GPC5: variants seen among roughly 807,000 people sequenced by gnomAD.
The protein encoded by GPC5 is glypican-5.
In GPC5, 47 loss-of-function variants were observed where a neutral mutation model predicts 53.9. The observed-to-expected ratio is 0.87, with a 90% CI of 0.69 to 1.11. The LOEUF (loss-of-function observed/expected upper bound fraction) is 1.11, where lower values mean the gene tolerates loss of function less well. Among genes scored for constraint, GPC5 ranks in the 50% most tolerant of loss-of-function variants. The probability of loss-of-function intolerance (pLI) is 0.00; values close to 1 mark genes in which losing one functional copy is unlikely to be tolerated. For synonymous variants in GPC5, 286 were observed against 263.3 expected, an observed-to-expected ratio of 1.09 and a Z score of -0.84; for missense variants, 748 against 713.1, an observed-to-expected ratio of 1.05 and a Z score of -0.56.
At chr13:92,351,660 A>G (rs1173256882) in intron 7 of GPC5, among the ~76,000 whole-genome samples, 2 of 152,162 alleles carry the variant, frequency 1.3e-5, no homozygotes. Context: ...GTAGATAAAA[A>G]TTGATGCATA....
At chr13:92,282,100 G>A (rs2139170164) in intron 7 of GPC5, among the ~76,000 whole-genome samples, 1 of 152,310 alleles carries the variant, frequency 6.6e-6, no homozygotes, top group South Asian at 2.1e-4. Flanking sequence ...TGTGACGAAT[G>A]CACAAGCTTC....
At chr13:92,677,634 G>A (rs1173426189) in intron 7 of GPC5, among the ~76,000 whole-genome samples, 1 of 152,206 alleles carries the variant, frequency 6.6e-6, no homozygotes, top group Non-Finnish European at 1.5e-5. Context: ...GAGAAGGATA[G>A]AGAGGCATCC....
chr13:91,906,322 A>C (rs2039552531), intron 5 of GPC5, among the ~76,000 whole-genome samples: 1 of 151,536 alleles, frequency 6.6e-6, no homozygotes. Flanking sequence ...TCAAGTTACA[A>C]TTTCTCCCTC....
At chr13:91,884,319 A>G (rs941032883) in intron 5 of GPC5, among the ~76,000 whole-genome samples, 1 of 152,222 alleles carries the variant, frequency 6.6e-6, no homozygotes, top group Non-Finnish European at 1.5e-5. Flanking sequence ...TTGCAGCACT[A>G]TTCACAGTAG....
At position 92,859,092 on chromosome 13, in the gene GPC5, A is replaced by T. The variant is rs74743320; in HGVS notation, c.1562-7190A>T. Among the ~76,000 whole-genome samples the T allele has an allele frequency of 4.8e-3, 726 of 151,956 alleles. 4 individuals are homozygous for T. Among genetic ancestry groups the T allele is most frequent in the African/African-American group, 0.015 (627 of 41,480 alleles). On this transcript the variant is annotated intron_variant, in intron 7 of 7. Coordinates refer to ENST00000377067, the MANE Select transcript of GPC5 (RefSeq NM_004466.6). ...CCCATCTCTACAAAAAACTTTTTTT[A>T]AAAAAAATTATCAAGGTATGGTGGC...
At chr13:91,733,481 G>A (rs1449342788) in intron 4 of GPC5, among the ~76,000 whole-genome samples, 1 of 152,166 alleles carries the variant, frequency 6.6e-6, no homozygotes, top group Non-Finnish European at 1.5e-5. Context: ...TTTTCCATTT[G>A]TTTTTGTCCT....
At chr13:91,543,153 G>A (rs761537265) in intron 2 of GPC5, among the ~76,000 whole-genome samples, 51 of 151,742 alleles carry the variant, frequency 3.4e-4, no homozygotes, top group Non-Finnish European at 6.6e-4. Context: ...ACCGAGCCTG[G>A]CCACTAATTT....
chr13:92,712,820 C>G (rs1486588489), intron 7 of GPC5, among the ~76,000 whole-genome samples: 1 of 152,112 alleles, frequency 6.6e-6, no homozygotes, highest in Non-Finnish European at 1.5e-5. Context: ...GGCGTCAATC[C>G]AATATGACTG....
At chr13:92,598,403 T>C (rs1036333277) in intron 7 of GPC5, among the ~76,000 whole-genome samples, 1 of 152,210 alleles carries the variant, frequency 6.6e-6, no homozygotes, top group East Asian at 1.9e-4. Context: ...TTTTTTTACG[T>C]TGTATCTGAC....
intron 7 of GPC5, among the ~76,000 whole-genome samples, chr13:92,512,349 G>A (rs988856668): frequency 3.9e-5 from 6 of 152,126 alleles, no homozygotes; most frequent in African/African-American, 1.4e-4. Context: ...CAAGTGGGGA[G>A]AAGCTACAGA....
intron 7 of GPC5, among the ~76,000 whole-genome samples, chr13:92,712,627 A>G (rs1174879744): frequency 6.6e-6 from 1 of 152,222 alleles, no homozygotes; most frequent in African/African-American, 2.4e-5. Flanking sequence ...TGTTAAGAGG[A>G]TAAAAAGGCA....
In GPC5 at chr13:92,517,920, A is replaced by G. The variant is rs1278825618; in HGVS notation, c.1562-348362A>G. Among the ~76,000 whole-genome samples the G allele has an allele frequency of 2.0e-5, 3 of 152,208 alleles. No individual in the cohort carries two copies. The East Asian group carries it at 5.8e-4, about 29-fold the overall frequency. On this transcript the variant is annotated intron_variant, in intron 7 of 7. Coordinates refer to ENST00000377067, the MANE Select transcript of GPC5 (RefSeq NM_004466.6). ...TTCAAACCCAATGCAAAGAAGTTAA[A>G]AACCTTGAAAAAAGATTAGATGAAT...
intron 2 of GPC5, among the ~76,000 whole-genome samples, chr13:91,613,409 C>A (rs546829367): frequency 5.0e-4 from 76 of 151,934 alleles, no homozygotes; most frequent in African/African-American, 1.7e-3. Context: ...GGAATCTGAC[C>A]CCATAGTTCA....
chr13:92,288,387 T>A (rs2042970923), intron 7 of GPC5, among the ~76,000 whole-genome samples: 1 of 152,224 alleles, frequency 6.6e-6, no homozygotes, highest in East Asian at 1.9e-4. Flanking sequence ...TCAGATTCTC[T>A]CTTTCCTAGG....
intron 5 of GPC5, among the ~76,000 whole-genome samples, chr13:91,760,378 A>G (rs2037384768): frequency 6.6e-6 from 1 of 152,200 alleles, no homozygotes; most frequent in South Asian, 2.1e-4. Flanking sequence ...GCTCTAAGCA[A>G]TCCTCACATG....
At chr13:91,846,599 A>G (rs145077388) in intron 5 of GPC5, among the ~76,000 whole-genome samples, 36 of 152,046 alleles carry the variant, frequency 2.4e-4, no homozygotes, top group African/African-American at 8.4e-4. Context: ...AGGCTTGTCT[A>G]TCATTGGCTT....
chr13:91,639,592 G>A (rs768979302), intron 2 of GPC5, among the ~76,000 whole-genome samples: 12 of 152,050 alleles, frequency 7.9e-5, no homozygotes, highest in Non-Finnish European at 1.5e-4. Flanking sequence ...CATCCTTCAC[G>A]GATTTTTTTC....
At chr13:92,803,053 C>A (rs60229870) in intron 7 of GPC5, among the ~76,000 whole-genome samples, 1 of 151,764 alleles carries the variant, frequency 6.6e-6, no homozygotes, top group Non-Finnish European at 1.5e-5. Flanking sequence ...CCCATTCCCC[C>A]AAATTTTAAT....
intron 6 of GPC5, among the ~76,000 whole-genome samples, chr13:92,129,697 A>G (rs1011243355): frequency 6.6e-6 from 1 of 152,234 alleles, no homozygotes; most frequent in African/African-American, 2.4e-5. Flanking sequence ...AACTTATGTC[A>G]CTGAATAGGT....
Sources: gnomAD v4.1 joint callset for allele counts (sites outside exome capture counted in the v4.1 genomes callset) on GRCh38, gnomAD v4.1.1 for gene constraint, MANE v1.5 for transcripts, NCBI Gene and HGNC (gene_info 2026-07-23, HGNC 2026-07-21) for gene names.